The following PCLO variants were observed in gnomAD, a reference collection of about 807,000 sequenced individuals.
PCLO encodes the protein piccolo presynaptic cytomatrix protein.
In PCLO, 82 loss-of-function variants were observed where a neutral mutation model predicts 427.5. The ratio of observed to expected loss-of-function variants is 0.19; its 90% confidence interval spans 0.16 to 0.23. PCLO has a LOEUF of 0.23. PCLO is among the 10% of genes least tolerant of loss of function. The pLI, the probability that PCLO is intolerant of heterozygous loss-of-function variation, is 1.00. For synonymous variants in PCLO, 2,357 were observed against 2,155.4 expected (o/e 1.09, Z -2.59); for missense variants, 6,239 against 6,115.9 (o/e 1.02, Z -0.67).
chr7:82,974,319 G>C (rs1194571242), intron 3 of PCLO, among the ~76,000 whole-genome samples: 1 of 152,294 alleles, frequency 6.6e-6, no homozygotes, highest in Non-Finnish European at 1.5e-5. Context: ...CCAGGAGCTG[G>C]AGGTGGCAGT....
intron 3 of PCLO, among the ~76,000 whole-genome samples, chr7:83,127,517 G>T (rs901367123): frequency 6.6e-6 from 1 of 152,014 alleles, no homozygotes; most frequent in Non-Finnish European, 1.5e-5. Flanking sequence ...CTACTCTGTG[G>T]ATTGTAATAA....
chr7:83,016,443 C>T (rs1289377709), intron 3 of PCLO, among the ~76,000 whole-genome samples: 4 of 152,098 alleles, frequency 2.6e-5, no homozygotes, highest in Admixed American at 1.3e-4. Context: ...ATAGTTTCCT[C>T]ATGTTGATTT....
At chr7:82,863,811 A>G (rs1032610899) in intron 10 of PCLO, among the ~76,000 whole-genome samples, 3 of 152,070 alleles carry the variant, frequency 2.0e-5, no homozygotes, top group Non-Finnish European at 2.9e-5. Context: ...TTTCATATGT[A>G]TACCATCTGA....
intron 9 of PCLO, among the ~76,000 whole-genome samples, chr7:82,893,316 C>T (rs1199022332): frequency 1.3e-5 from 2 of 151,982 alleles, no homozygotes; most frequent in East Asian, 1.9e-4. Context: ...AGCAAACTAT[C>T]GCAAGGACAA....
Position 83,134,648 on chromosome 7 carries a change from G to A in PCLO, c.2902C>T (p.Pro968Ser), listed in dbSNP as rs1438564754. Residue 968 changes from proline (P) to serine (S), a missense_variant, in exon 3 of 25, where the codon CCT becomes TCT. Around this residue, in one of 5 missense-constraint regions of PCLO, gnomAD observed 4,677 missense variants for 4,468.4 expected, o/e 1.05. Coordinates refer to ENST00000333891, the MANE Select transcript of PCLO (RefSeq NM_033026.6). ...GAAGTAGGTGGCTGTGAAGGGGCAG[G>A]GGCTTGTTTCATTGGGGCCCCTGGT... ...SGPGAPMKQA[P>S]APSQPPTSQG... 1.2e-6 allele frequency: 2 copies of A among 1,613,868 alleles called. No homozygotes were observed. Among genetic ancestry groups the A allele is most frequent in the East Asian group, 4.5e-5 (2 of 44,850 alleles).
intron 3 of PCLO, among the ~76,000 whole-genome samples, chr7:83,080,999 TG>T (rs1486882764): frequency 6.6e-6 from 1 of 151,954 alleles, no homozygotes; most frequent in Non-Finnish European, 1.5e-5. Context: ...CTCAAAATAT[TG>T]TATTGTATTC....
intron 20 of PCLO, among the ~76,000 whole-genome samples, chr7:82,808,359 G>A (rs150331920): frequency 6.6e-6 from 1 of 151,800 alleles, no homozygotes; most frequent in East Asian, 1.9e-4. Context: ...TTTCAAAATC[G>A]TCCATCCTTT....
At chr7:83,033,390 A>C (rs1583935415) in intron 3 of PCLO, among the ~76,000 whole-genome samples, 2 of 152,324 alleles carry the variant, frequency 1.3e-5, no homozygotes, top group East Asian at 3.9e-4. Context: ...ATATTTGGGA[A>C]GCTGAACACC....
intron 10 of PCLO, among the ~76,000 whole-genome samples, chr7:82,848,304 GTTTTTTTTTTTTT>G (rs71522632): frequency 3.6e-5 from 3 of 83,878 alleles, no homozygotes; most frequent in Non-Finnish European, 4.5e-5. Flanking sequence ...CCATTAGTTA[GTTTTTTTTTTTTT>G]TTTTTTTTTT....
intron 1 of PCLO, among the ~76,000 whole-genome samples, chr7:83,158,288 C>T (rs1226414286): frequency 6.6e-6 from 1 of 152,020 alleles, no homozygotes; most frequent in Non-Finnish European, 1.5e-5. Flanking sequence ...TGGACTGCTA[C>T]ATATTTCCAT....
At chr7:82,845,242 G>A (rs1300619928) in intron 13 of PCLO, 29 bp downstream of exon 13, 1 of 1,471,688 alleles carries the variant, frequency 6.8e-7, no homozygotes, top group Non-Finnish European at 9.5e-7. Flanking sequence ...GAAAACAAGT[G>A]GGTCAGAGGT....
chr7:83,077,127 T>C (rs1248550386), intron 3 of PCLO, among the ~76,000 whole-genome samples: 1 of 152,100 alleles, frequency 6.6e-6, no homozygotes, highest in Non-Finnish European at 1.5e-5. Flanking sequence ...ATAGTCTACA[T>C]ATAGGAAGCC....
chr7:82,999,852 TAA>T lies in PCLO; in HGVS notation c.3301-33367_3301-33366del, dbSNP rs1197105651. On this transcript the variant is annotated intron_variant, in intron 3 of 24. Coordinates refer to ENST00000333891, the MANE Select transcript of PCLO (RefSeq NM_033026.6). ...AATATTAAATATAAAATATAATATA[TAA>T]TATTATATAAAATATAATATATAAT... is the stretch of plus-strand genomic sequence containing the variant. Among the ~76,000 whole-genome samples the T allele has an allele frequency of 4.0e-5, 2 of 49,556 alleles. 1 individual carries two copies. Among genetic ancestry groups the T allele is most frequent in the Non-Finnish European group, 5.9e-5 (2 of 33,620 alleles). 32.5% of individuals were successfully genotyped at this position (49,556 alleles called of 152,430 possible).
chr7:83,120,863 G>C (rs984682431), intron 3 of PCLO, among the ~76,000 whole-genome samples: 1 of 152,132 alleles, frequency 6.6e-6, no homozygotes, highest in Non-Finnish European at 1.5e-5. Flanking sequence ...TGAAAGAAAA[G>C]AATGTTAACA....
At chr7:82,871,906 A>AG (rs951321038) in intron 10 of PCLO, among the ~76,000 whole-genome samples, 32 of 152,122 alleles carry the variant, frequency 2.1e-4, no homozygotes, top group African/African-American at 7.7e-4. Context: ...CATATTCAGA[A>AG]GGAAAAAAAA....
At chr7:83,037,059 T>C (rs1788813164) in intron 3 of PCLO, among the ~76,000 whole-genome samples, 1 of 152,104 alleles carries the variant, frequency 6.6e-6, no homozygotes, top group Admixed American at 6.6e-5. Flanking sequence ...AAAATAACTA[T>C]TCATTTTGGG....
intron 20 of PCLO, among the ~76,000 whole-genome samples, chr7:82,808,729 G>GA (rs1164995557): frequency 2.6e-5 from 4 of 151,854 alleles, no homozygotes; most frequent in African/African-American, 9.7e-5. Context: ...TAGGCAGTTA[G>GA]AAATTAGGTG....
chr7:82,823,825 A>G (rs1791859270), intron 19 of PCLO, among the ~76,000 whole-genome samples: 1 of 152,216 alleles, frequency 6.6e-6, no homozygotes, highest in Non-Finnish European at 1.5e-5. Flanking sequence ...TTTATGGACA[A>G]CCAGAGATTC....
intron 10 of PCLO, among the ~76,000 whole-genome samples, chr7:82,860,431 C>A (rs138317325): frequency 6.6e-6 from 1 of 152,018 alleles, no homozygotes; most frequent in East Asian, 1.9e-4. Context: ...AGAAAAAAAT[C>A]TTTTACGTTA....
Sources: gnomAD v4.1 joint callset for allele counts (sites outside exome capture counted in the v4.1 genomes callset) on GRCh38, gnomAD v4.1.1 for gene constraint, gnomAD v4.1.1 regional missense constraint, MANE v1.5 for transcripts, NCBI Gene and HGNC (gene_info 2026-07-23, HGNC 2026-07-21) for gene names.